Variants in ZNF512 observed in about 807,000 individuals in gnomAD.
ZNF512 encodes zinc finger protein 512.
ZNF512 carries 25 observed loss-of-function variants against 77.5 expected under a neutral mutation model. The observed-to-expected ratio is 0.32, with a 90% CI of 0.23 to 0.45. ZNF512 has a LOEUF of 0.45. Ranked by LOEUF, ZNF512 falls within the 20% of genes least tolerant of loss-of-function variation. ZNF512 has a pLI of 1.00. For missense variants in ZNF512, 483 were observed against 692.6 expected (o/e 0.70, Z 3.40); for synonymous variants, 246 against 239.9 (o/e 1.03, Z -0.24).
At chr2:27,592,831 A>G (rs1671655391) in intron 2 of ZNF512, among the ~76,000 whole-genome samples, 1 of 151,372 alleles carries the variant, frequency 6.6e-6, no homozygotes, top group East Asian at 2.0e-4. Flanking sequence ...GATTATAGGC[A>G]TGTGCCACCA....
At position 27,621,161 on chromosome 2, in the gene ZNF512, C is replaced by A; in HGVS notation, c.1404C>A (p.Phe468Leu). The change falls in exon 14 of 14, where the codon TTC (phenylalanine) becomes TTA (leucine). Residue 468 changes from phenylalanine to leucine, a missense_variant. By Grantham distance (22) the Phe-to-Leu change is conservative. Transcript: ENST00000355467. ...HINSVHAEDW[F>L]VVNPTTTKSF... ...CTATTTTGCCTCTCTAGGACTGGTTCGTTGTAAACCCAACAACAACCAAAA... is the reference window on the plus strand; with the variant it reads ...CTATTTTGCCTCTCTAGGACTGGTTAGTTGTAAACCCAACAACAACCAAAA... The A allele has an allele frequency of 6.2e-7, 1 of 1,613,406 alleles. No individual in the cohort carries two copies. The highest frequency in any genetic ancestry group is 1.1e-5 in the South Asian group (1 of 91,030).
chr2:27,597,232 T>G (rs1396838805), intron 2 of ZNF512, among the ~76,000 whole-genome samples: 2 of 152,230 alleles, frequency 1.3e-5, no homozygotes, highest in Non-Finnish European at 2.9e-5. Flanking sequence ...AAGTTAACTT[T>G]TTTCCTTTTG....
At chr2:27,618,190 G>T (rs780845945) in intron 13 of ZNF512, among the ~76,000 whole-genome samples, 127 of 152,270 alleles carry the variant, frequency 8.3e-4, no homozygotes, top group Non-Finnish European at 1.5e-3. Flanking sequence ...AAAGTGCTAG[G>T]ATTACAGGTG....
chr2:27,594,549 G>T (rs1671763112), intron 2 of ZNF512, among the ~76,000 whole-genome samples: 1 of 137,418 alleles, frequency 7.3e-6, no homozygotes, highest in African/African-American at 2.8e-5. Flanking sequence ...CCGGGCAGAG[G>T]CGCTGGTCAC....
intron 13 of ZNF512, among the ~76,000 whole-genome samples, chr2:27,618,635 T>A (rs1336701302): frequency 6.6e-6 from 1 of 152,192 alleles, no homozygotes; most frequent in Admixed American, 6.5e-5. Context: ...GGAAAGAAAT[T>A]AACAGTGGTA....
intron 12 of ZNF512, 106 bp downstream of exon 12, chr2:27,616,430 C>A: frequency 1.2e-6 from 1 of 861,482 alleles, no homozygotes; most frequent in Non-Finnish European, 1.9e-6. Flanking sequence ...TTACCATTAT[C>A]TTCAGAGGCT....
intron 10 of ZNF512, among the ~76,000 whole-genome samples, chr2:27,612,197 A>G (rs114316752): frequency 0.027 from 4,095 of 152,208 alleles, 180 homozygotes; most frequent in African/African-American, 0.094. Context: ...TGGATTTGGC[A>G]GTTGAGCGCT....
intron 9 of ZNF512, among the ~76,000 whole-genome samples, chr2:27,603,742 T>C (rs1400423359): frequency 2.0e-5 from 3 of 151,262 alleles, no homozygotes; most frequent in Non-Finnish European, 4.4e-5. Context: ...CAGGCTTGCG[T>C]CACATGCCCA....
chr2:27,594,095 G>A (rs192790378), intron 2 of ZNF512, among the ~76,000 whole-genome samples: 60 of 152,358 alleles, frequency 3.9e-4, no homozygotes, highest in African/African-American at 1.2e-3. Context: ...TTCACACTTG[G>A]AAGATTGCAC....
intron 1 of ZNF512, 163 bp from the exon 2 acceptor site, chr2:27,583,495 T>C (rs952635186): frequency 6.7e-7 from 1 of 1,488,630 alleles, no homozygotes; most frequent in African/African-American, 1.4e-5. Flanking sequence ...TTTGCACTGC[T>C]GGAAGATAGG....
At chr2:27,599,801 G>A in intron 4 of ZNF512, 123 bp downstream of exon 4, 1 of 1,152,926 alleles carries the variant, frequency 8.7e-7, no homozygotes, top group Non-Finnish European at 1.3e-6. Flanking sequence ...GAATTGTTTG[G>A]GAGGGAATGG....
At chr2:27,601,960 T>C (rs1440052783) in intron 7 of ZNF512, among the ~76,000 whole-genome samples, 2 of 152,182 alleles carry the variant, frequency 1.3e-5, no homozygotes, top group Non-Finnish European at 2.9e-5. Context: ...TTTTTTGTAT[T>C]TTTAGTAGAG....
In ZNF512 at chr2:27,601,348, C is replaced by T; in HGVS notation, c.583-8C>T. The stretch of plus-strand genomic sequence containing the variant: ...CAACCTAGCACTGAGCAGTATTTTT[C>T]CTTCTAGGAAATGTTTACTTGTCAT... On this transcript the variant is annotated splice_region_variant and splice_polypyrimidine_tract_variant and intron_variant, in intron 6 of 13. Transcript: ENST00000355467. The T allele has an allele frequency of 6.2e-7, 1 of 1,611,518 alleles. No homozygotes were observed. Among genetic ancestry groups the T allele is most frequent in the Non-Finnish European group, 8.5e-7 (1 of 1,178,136 alleles).
chr2:27,583,731 C>A lies in ZNF512; in HGVS notation c.89+15C>A. ...GGAGCTAAGAAGTAAGTGAGGTTTT[C>A]TAAGGTCCTTTTATGATTGTGTCAC... On this transcript the variant is annotated intron_variant, in intron 2 of 13. Transcript: ENST00000355467. 6.2e-7 allele frequency: 1 copy of A among 1,613,392 alleles called. No homozygotes were observed. Among genetic ancestry groups the A allele is most frequent in the Non-Finnish European group, 8.5e-7 (1 of 1,179,822 alleles).
At chr2:27,602,622 T>G in intron 8 of ZNF512, 61 bp downstream of exon 8, 1 of 1,404,640 alleles carries the variant, frequency 7.1e-7, no homozygotes, top group South Asian at 1.3e-5. Flanking sequence ...TCTTTCGTTC[T>G]TCTTTCCATT....
At chr2:27,603,573 A>AGTGTGTGTGTATGTGTGTGTGTGTGT (rs1672218982) in intron 9 of ZNF512, among the ~76,000 whole-genome samples, 1 of 133,176 alleles carries the variant, frequency 7.5e-6, no homozygotes, top group African/African-American at 3.1e-5. Flanking sequence ...ATTTTTATAT[A>AGTGTGTGTGTATGTGTGTGTGTGTGT]GTGTGTGTGT....
In ZNF512 at chr2:27,622,001, A is replaced by G. The variant is rs371527371; in HGVS notation, c.*540A>G. Reference sequence around the variant, plus strand: ...TTTATGGAGGCTGTTTGTCCTCTCAATATGGTTTTAAGATTGAAAGTAAGA... The same window carrying G: ...TTTATGGAGGCTGTTTGTCCTCTCAGTATGGTTTTAAGATTGAAAGTAAGA... On this transcript the variant is annotated 3_prime_UTR_variant, in exon 14 of 14. Coordinates refer to ENST00000355467, the MANE Select transcript of ZNF512 (RefSeq NM_032434.4). 44 of 156,308 alleles carry G rather than the reference A, an allele frequency of 2.8e-4. 1 individual carries two copies. In the South Asian group the frequency reaches 7.2e-3, roughly 26 times the overall value. 9.7% of individuals were successfully genotyped at this position (156,308 alleles called of 1,614,324 possible).
At chr2:27,602,361 C>A in intron 7 of ZNF512, 102 bp from the exon 8 acceptor site, 1 of 1,156,830 alleles carries the variant, frequency 8.6e-7, no homozygotes. Context: ...TTGGCACCAG[C>A]TTAGCTGCCA....
intron 3 of ZNF512, among the ~76,000 whole-genome samples, chr2:27,598,956 T>A (rs1288468982): frequency 6.6e-6 from 1 of 152,232 alleles, no homozygotes; most frequent in East Asian, 1.9e-4. Flanking sequence ...CCTCAGCTTG[T>A]AATGCCAGCT....
Sources: gnomAD v4.1 joint callset for allele counts (sites outside exome capture counted in the v4.1 genomes callset) on GRCh38, gnomAD v4.1.1 for gene constraint, MANE v1.5 for transcripts, NCBI Gene and HGNC (gene_info 2026-07-23, HGNC 2026-07-21) for gene names.